The following JARID2 variants were observed in gnomAD, a reference collection of about 807,000 sequenced individuals.
The protein encoded by JARID2 is jumonji and AT-rich interaction domain containing 2, also known as protein Jumonji.
In JARID2, 21 loss-of-function variants were observed where a neutral mutation model predicts 125.6. That is an observed-to-expected ratio of 0.17 (90% CI 0.12 to 0.24). JARID2 has a LOEUF of 0.24. Ranked by LOEUF, JARID2 falls within the 10% of genes least tolerant of loss-of-function variation. JARID2 has a pLI of 1.00. For missense variants in JARID2, 1,303 were observed against 1,639.6 expected, an observed-to-expected ratio of 0.79 and a Z score of 3.55; for synonymous variants, 736 against 661.6, an observed-to-expected ratio of 1.11 and a Z score of -1.73.
rs903884931 is a variant in JARID2, at chr6:15,454,951, G to T, written c.493+2776G>T. Among the ~76,000 whole-genome samples the T allele has an allele frequency of 2.0e-5, 3 of 152,276 alleles. No homozygotes were observed. In the Middle Eastern group the frequency reaches 0.01, roughly 518 times the overall value. ...TGAGGCTGGTAGAGTGTGGTGTGAT[G>T]ATCAGGAATGGAGAACGAGTGGGAT... On this transcript the variant is annotated intron_variant, in intron 4 of 17. Transcript: ENST00000341776.
In JARID2 at chr6:15,317,891, G is replaced by A. The variant is rs903375309; in HGVS notation, c.46-56226G>A. On this transcript the variant is annotated intron_variant, in intron 1 of 17. Coordinates refer to ENST00000341776, the MANE Select transcript of JARID2 (RefSeq NM_004973.4). ...TCCCACAAAACTGGTGTATTTAGGC[G>A]TCCCCTCTTCTCCTGTGTTTGTTGC... Among the ~76,000 whole-genome samples the A allele has an allele frequency of 3.9e-5, 6 of 152,262 alleles. No homozygotes were observed. In the South Asian group the frequency reaches 1.2e-3, roughly 32 times the overall value.
At position 15,501,167 on chromosome 6, in the gene JARID2, C is replaced by T; in HGVS notation, c.2206C>T (p.Pro736Ser). The T allele has an allele frequency of 6.2e-7, 1 of 1,614,102 alleles. No homozygotes were observed. Among genetic ancestry groups the T allele is most frequent in the Non-Finnish European group, 8.5e-7 (1 of 1,180,014 alleles). The part of the protein sequence containing the change: ...EKEILEKRKG[P>S]LEGHTENDHH... ...GGAGATCCTGGAGAAGCGCAAGGGG[C>T]CGCTGGAAGGCCACACAGAGAACGA... The change falls in exon 8 of 18, where the codon CCG becomes TCG. Residue 736 changes from proline to serine, a missense_variant. Physicochemically the swap from Pro to Ser is moderately conservative, Grantham distance 74. Around this residue, in one of 11 missense-constraint regions of JARID2, gnomAD observed 124 missense variants for 131.0 expected, o/e 0.95. Transcript: ENST00000341776.
At chr6:15,403,002 C>T (rs1383836062) in intron 2 of JARID2, among the ~76,000 whole-genome samples, 11 of 151,994 alleles carry the variant, frequency 7.2e-5, no homozygotes, top group African/African-American at 2.4e-4. Context: ...ATAATTCAGT[C>T]ATTATTATTA....
intron 2 of JARID2, among the ~76,000 whole-genome samples, chr6:15,403,426 G>A (rs1469826896): frequency 6.6e-6 from 1 of 152,084 alleles, no homozygotes; most frequent in African/African-American, 2.4e-5. Context: ...GCCAGAATGG[G>A]GCCCATTCTA....
At chr6:15,334,679 A>G (rs1762821513) in intron 1 of JARID2, among the ~76,000 whole-genome samples, 1 of 152,152 alleles carries the variant, frequency 6.6e-6, no homozygotes, top group South Asian at 2.1e-4. Context: ...GGCATCTTCC[A>G]TCATGTTGTT....
chr6:15,511,348 C>G lies in JARID2; in HGVS notation c.2899C>G (p.Leu967Val), dbSNP rs200466167. The stretch of plus-strand genomic sequence containing the variant: ...CAAGCTGGAAGATGTGGTCCACACC[C>G]TGCTGCAAGCCAATGGCACCCCAGG... ...ENKLEDVVHT[L>V]LQANGTPGLQ... Residue 967 changes from leucine (L) to valine (V), a missense_variant, in exon 13 of 18, where the codon CTG becomes GTG. This residue lies in a region of JARID2 where 190 missense variants were observed against 341.4 expected (regional missense o/e 0.56). Transcript: ENST00000341776. 35 of 1,614,008 alleles carry G rather than the reference C, an allele frequency of 2.2e-5. 1 individual carries two copies. In the Admixed American group the frequency reaches 5.5e-4, roughly 25 times the overall value.
chr6:15,369,214 C>G (rs1764078803), intron 1 of JARID2: 1 of 331,824 alleles, frequency 3.0e-6, no homozygotes, highest in African/African-American at 2.1e-5. Context: ...GACTCACAGT[C>G]CGGGTTAGAG....
At chr6:15,450,231 G>A (rs1294291605) in intron 3 of JARID2, among the ~76,000 whole-genome samples, 3 of 152,096 alleles carry the variant, frequency 2.0e-5, no homozygotes, top group Non-Finnish European at 4.4e-5. Flanking sequence ...GTGCAGTGGC[G>A]TGATCTTGGC....
chr6:15,282,609 C>T (rs754448976), intron 1 of JARID2, among the ~76,000 whole-genome samples: 5 of 126,106 alleles, frequency 4.0e-5, no homozygotes, highest in South Asian at 3.2e-4. Flanking sequence ...TCTTCCTCTT[C>T]TCTTCTCTTT....
In JARID2 at chr6:15,512,223, C is replaced by T; in HGVS notation, c.2968C>T (p.Leu990=). 6.2e-7 allele frequency: 1 copy of T among 1,614,076 alleles called. No individual in the cohort carries two copies. The highest frequency in any genetic ancestry group is 8.5e-7 in the Non-Finnish European group (1 of 1,179,954). Residue 990 remains leucine (L), a synonymous_variant, in exon 14 of 18, where the codon CTG becomes TTG. Coordinates refer to ENST00000341776, the MANE Select transcript of JARID2 (RefSeq NM_004973.4). ...GTCTCCCCAGATCTCCCCGGAGGTG[C>T]TGTGCAAAGAGGGGATCAAGGTGCA... is the stretch of plus-strand genomic sequence containing the variant. ...ESNVMISPEV[L]CKEGIKVHRT... is the part of the protein sequence containing the mutation.
At chr6:15,406,439 G>A (rs1037850791) in intron 2 of JARID2, among the ~76,000 whole-genome samples, 2 of 152,126 alleles carry the variant, frequency 1.3e-5, no homozygotes, top group Admixed American at 6.5e-5. Flanking sequence ...TCTCAAGGTC[G>A]GGGGAGAGGG....
intron 16 of JARID2, among the ~76,000 whole-genome samples, chr6:15,515,135 C>T (rs1771485463): frequency 6.6e-6 from 1 of 152,066 alleles, no homozygotes; most frequent in African/African-American, 2.4e-5. Context: ...TAGCCTCAAC[C>T]TCCTGGTCAT....
chr6:15,355,489 G>T (rs1561810570), intron 1 of JARID2, among the ~76,000 whole-genome samples: 1 of 152,116 alleles, frequency 6.6e-6, no homozygotes, highest in South Asian at 2.1e-4. Context: ...AGTACAATTT[G>T]ATTTTAGGTT....
intron 1 of JARID2, among the ~76,000 whole-genome samples, chr6:15,292,760 C>T (rs371993558): frequency 3.9e-5 from 6 of 152,276 alleles, no homozygotes; most frequent in African/African-American, 1.2e-4. Flanking sequence ...CTTTGCTTCC[C>T]GGGGTTAAGT....
chr6:15,393,850 A>C (rs941413732), intron 2 of JARID2, among the ~76,000 whole-genome samples: 1 of 152,204 alleles, frequency 6.6e-6, no homozygotes, highest in East Asian at 1.9e-4. Flanking sequence ...TATAAAAGGC[A>C]CATATTTTGA....
intron 3 of JARID2, among the ~76,000 whole-genome samples, chr6:15,448,845 C>T (rs1349291919): frequency 1.3e-5 from 2 of 152,064 alleles, no homozygotes; most frequent in African/African-American, 4.8e-5. Flanking sequence ...AAATTGAGAG[C>T]CAGCCTTGAG....
intron 1 of JARID2, among the ~76,000 whole-genome samples, chr6:15,347,424 C>T (rs550063630): frequency 6.6e-6 from 1 of 152,288 alleles, no homozygotes; most frequent in South Asian, 2.1e-4. Context: ...GCATTCTTCT[C>T]AGTATTTTAA....
At chr6:15,506,000 G>A (rs575271725) in intron 9 of JARID2, among the ~76,000 whole-genome samples, 5 of 152,372 alleles carry the variant, frequency 3.3e-5, no homozygotes, top group African/African-American at 9.6e-5. Flanking sequence ...TCCATGATGC[G>A]CAAGAAAACT....
chr6:15,344,421 C>G (rs756109079), intron 1 of JARID2, among the ~76,000 whole-genome samples: 1 of 151,848 alleles, frequency 6.6e-6, no homozygotes, highest in African/African-American at 2.4e-5. Context: ...AATTAAAAAA[C>G]GTGACTGAGA....
Sources: gnomAD v4.1 joint callset for allele counts (sites outside exome capture counted in the v4.1 genomes callset) on GRCh38, gnomAD v4.1.1 for gene constraint, gnomAD v4.1.1 regional missense constraint, MANE v1.5 for transcripts, NCBI Gene and HGNC (gene_info 2026-07-23, HGNC 2026-07-21) for gene names.